Variants in ATP10B observed in about 807,000 individuals in gnomAD.
The protein encoded by ATP10B is ATPase phospholipid transporting 10B (putative), also known as phospholipid-transporting ATPase VB.
In ATP10B, 122 loss-of-function variants were observed where a neutral mutation model predicts 141.2. The observed-to-expected ratio is 0.86, with a 90% confidence interval of 0.75 to 1.00. ATP10B has a LOEUF of 1.00. ATP10B is among the 50% of genes least tolerant of loss of function. The pLI is 0.00. For synonymous variants in ATP10B, 685 were observed against 692.0 expected, an observed-to-expected ratio of 0.99 and a Z score of 0.16; for missense variants, 1,876 against 1,825.3, an observed-to-expected ratio of 1.03 and a Z score of -0.51.
chr5:160,902,286 C>G, the ATP10B span, among the ~76,000 whole-genome samples: 21 of 152,236 alleles, frequency 1.4e-4, no homozygotes, highest in East Asian at 3.5e-3. Flanking sequence ...GATGCTAAGA[C>G]TTCTACAAAG....
intron 2 of ATP10B, among the ~76,000 whole-genome samples, chr5:160,753,794 C>T (rs1030110207): frequency 1.3e-5 from 2 of 151,984 alleles, no homozygotes; most frequent in Admixed American, 6.6e-5. Context: ...CATATACTAC[C>T]CTTAGAAGCT....
intron 11 of ATP10B, 98 bp from the exon 12 acceptor site, chr5:160,634,704 G>A: frequency 3.0e-6 from 4 of 1,337,016 alleles, no homozygotes; most frequent in Non-Finnish European, 4.1e-6. Flanking sequence ...AGAAAGTTGA[G>A]GTCAGCTCAC....
chr5:160,709,975 G>A (rs1432596086), intron 3 of ATP10B, among the ~76,000 whole-genome samples: 1 of 95,090 alleles, frequency 1.1e-5, no homozygotes, highest in Non-Finnish European at 2.1e-5. Context: ...ATTCCATGGT[G>A]TATATGTGCC....
intron 2 of ATP10B, among the ~76,000 whole-genome samples, chr5:160,717,483 A>C (rs1765729423): frequency 6.6e-6 from 1 of 152,136 alleles, no homozygotes; most frequent in African/African-American, 2.4e-5. Context: ...TTCCCTGCTA[A>C]AAGTTCAAGC....
chr5:160,810,348 C>T (rs184054119), intron 1 of ATP10B, among the ~76,000 whole-genome samples: 7 of 151,644 alleles, frequency 4.6e-5, no homozygotes, highest in Non-Finnish European at 7.4e-5. Flanking sequence ...CTTTTTTGAC[C>T]TATTTAAAGT....
In ATP10B at chr5:160,617,887, G is replaced by T. The variant is rs762149091; in HGVS notation, c.2503C>A (p.Arg835Ser). The change falls in exon 16 of 26, where the codon CGC (arginine) becomes AGC (serine). Residue 835 changes from arginine (R) to serine (S), a missense_variant. Coordinates refer to ENST00000327245, the MANE Select transcript of ATP10B (RefSeq NM_025153.3). The part of the protein sequence containing the change: ...HLDLYARDGL[R>S]TLCIAKKVVS... ...ACCTTCTTGGCAATGCATAGTGTGC[G>T]CAGGCCATCTCTTGCATACAAGTCT... 2.7e-5 allele frequency: 43 copies of T among 1,614,100 alleles called. No individual in the cohort carries two copies. The highest frequency in any genetic ancestry group is 3.6e-5 in the Non-Finnish European group (42 of 1,179,936).
chr5:160,794,654 C>T (rs777134870), intron 1 of ATP10B, among the ~76,000 whole-genome samples: 15 of 152,112 alleles, frequency 9.9e-5, no homozygotes, highest in African/African-American at 2.7e-4. Context: ...GTTCTGGCTA[C>T]GTGGGTCTTC....
chr5:160,639,095 T>A (rs1187385281), intron 10 of ATP10B: 1 of 152,338 alleles, frequency 6.6e-6, no homozygotes, highest in Non-Finnish European at 1.5e-5. Flanking sequence ...GCTTTGTGAT[T>A]TTCCTGGGGC....
In ATP10B at chr5:160,688,043, C is replaced by T. The variant is rs369383733; in HGVS notation, c.32G>A (p.Arg11Gln). The T allele has an allele frequency of 4.8e-5, 78 of 1,613,450 alleles. 1 individual carries two copies. The Admixed American group carries it at 6.7e-4, about 14-fold the overall frequency. ...GCCATCTCTGACTCTCCACTGCCAC[C>T]GATGCCACGATGAGTCCACTGAGAG... MALSVDSSWHRWQWRVRDGFP... is the reference protein window; with the variant it reads MALSVDSSWHQWQWRVRDGFP... The change falls in exon 5 of 26, where the codon CGG becomes CAG. Residue 11 changes from arginine to glutamine, a missense_variant. Arg to Gln is a conservative substitution (Grantham distance 43, BLOSUM62 1). Transcript: ENST00000327245.
intron 6 of ATP10B, among the ~76,000 whole-genome samples, chr5:160,672,279 A>G (rs1489155376): frequency 6.6e-6 from 1 of 152,058 alleles, no homozygotes; most frequent in Non-Finnish European, 1.5e-5. Flanking sequence ...TCCTGGCTGC[A>G]TTGTATTTTC....
At chr5:160,615,817 T>G (rs756736156) in intron 17 of ATP10B, 21 bp downstream of exon 17, 11 of 1,606,328 alleles carry the variant, frequency 6.8e-6, no homozygotes, top group Non-Finnish European at 9.4e-6. Flanking sequence ...TTTCCTATAA[T>G]AATGACTTAT....
the ATP10B span, among the ~76,000 whole-genome samples, chr5:160,881,950 G>C: frequency 2.0e-5 from 3 of 152,242 alleles, no homozygotes; most frequent in African/African-American, 7.2e-5. Flanking sequence ...AAAAGTTAGT[G>C]ATCAGGCCAT....
chr5:160,884,127 A>G, the ATP10B span, among the ~76,000 whole-genome samples: 1 of 152,160 alleles, frequency 6.6e-6, no homozygotes, highest in South Asian at 2.1e-4. Flanking sequence ...GCCTGCCAAA[A>G]TCTCATTGGG....
intron 1 of ATP10B, among the ~76,000 whole-genome samples, chr5:160,826,842 A>G (rs1160222709): frequency 6.6e-6 from 1 of 152,172 alleles, no homozygotes; most frequent in East Asian, 1.9e-4. Context: ...GGTCTCCTGC[A>G]GTACCCTCAG....
intron 13 of ATP10B, among the ~76,000 whole-genome samples, chr5:160,631,495 A>G (rs1046770872): frequency 2.0e-5 from 3 of 152,274 alleles, no homozygotes; most frequent in Non-Finnish European, 4.4e-5. Flanking sequence ...GGAATTAGTT[A>G]AGGGAATGAA....
the ATP10B span, among the ~76,000 whole-genome samples, chr5:160,858,419 T>A: frequency 0.74 from 112,293 of 151,776 alleles, 43,016 homozygotes; most frequent in East Asian, 0.97. Context: ...CTACTTTGTC[T>A]ATCTTTTTTT....
chr5:160,910,527 G>A, the ATP10B span, among the ~76,000 whole-genome samples: 41 of 152,276 alleles, frequency 2.7e-4, no homozygotes, highest in African/African-American at 9.6e-4. Flanking sequence ...AAATAACAAT[G>A]AGTACTTGTA....
At chr5:160,663,671 G>A (rs955587651) in intron 7 of ATP10B, among the ~76,000 whole-genome samples, 36 of 9,554 alleles carry the variant, frequency 3.8e-3, no homozygotes, top group African/African-American at 6.3e-3. Flanking sequence ...GATAGCATTA[G>A]GAGATATACC....
intron 1 of ATP10B, among the ~76,000 whole-genome samples, chr5:160,804,725 C>A (rs989364358): frequency 6.6e-6 from 1 of 152,154 alleles, no homozygotes; most frequent in Non-Finnish European, 1.5e-5. Flanking sequence ...ATCTTGGTTC[C>A]ATTACTTCAC....
Sources: allele counts gnomAD v4.1 joint callset (sites outside exome capture counted in the v4.1 genomes callset), GRCh38; gene constraint gnomAD v4.1.1; transcripts MANE v1.5; gene names NCBI Gene and HGNC (gene_info 2026-07-23, HGNC 2026-07-21).